IFT140: variants seen among roughly 807,000 people sequenced by gnomAD.
IFT140 encodes intraflagellar transport 140, also known as intraflagellar transport protein 140 homolog.
A neutral mutation model predicts 164.6 loss-of-function variants in IFT140; 133 were observed. That is an observed-to-expected ratio of 0.81 (90% CI 0.70 to 0.93). The LOEUF is 0.93. IFT140 is among the 40% of genes least tolerant of loss of function. The pLI is 0.00. For missense variants in IFT140, 2,045 were observed against 1,972.3 expected (o/e 1.04, Z -0.70); for synonymous variants, 860 against 817.3 (o/e 1.05, Z -0.89).
intron 19 of IFT140, among the ~76,000 whole-genome samples, chr16:1,535,371 A>G (rs1460867931): frequency 3.3e-5 from 5 of 152,208 alleles, no homozygotes; most frequent in African/African-American, 1.2e-4. Flanking sequence ...GGGTCATCTC[A>G]ACAGTCACGG....
Position 1,518,240 on chromosome 16 carries a change from GTAGTGC to G in IFT140, c.4152_4157del (p.Glu1384_Tyr1386delinsAsp). The G allele has an allele frequency of 6.2e-7, 1 of 1,613,908 alleles. No individual in the cohort carries two copies. The highest frequency in any genetic ancestry group is 8.5e-7 in the Non-Finnish European group (1 of 1,179,968). ...CCGTCTGGTATTCCTCCTTCCGCACGTAGTGCTCCACCAGGAAGCCATAGACGTCCC... is the reference window on the plus strand; with the variant it reads ...CCGTCTGGTATTCCTCCTTCCGCACGTCCACCAGGAAGCCATAGACGTCCC... On this transcript the variant is annotated inframe_deletion, in exon 30 of 31. Transcript: ENST00000426508.
rs775156902 is a variant in IFT140 at position 1,566,190 on chromosome 16, C to A, written c.1872G>T (p.Thr624=). 4 of 1,613,712 alleles carry A rather than the reference C, an allele frequency of 2.5e-6. No individual in the cohort carries two copies. In the South Asian group the frequency reaches 4.4e-5, roughly 18 times the overall value. ...TAGTCTCTTGCTCATTAAAGGACAG[C>A]GTCTCTCTCCGATCAATTTGTCCAG... ...FKTGQIDRRE[T]LSFNEQETNK... is the part of the protein sequence containing the mutation. The change falls in exon 16 of 31, where the codon ACG becomes ACT. Residue 624 remains threonine, a synonymous_variant. Coordinates refer to ENST00000426508, the MANE Select transcript of IFT140 (RefSeq NM_014714.4).
At chr16:1,574,229 G>T (rs2034158319) in intron 13 of IFT140, among the ~76,000 whole-genome samples, 1 of 152,168 alleles carries the variant, frequency 6.6e-6, no homozygotes, top group Non-Finnish European at 1.5e-5. Context: ...CCTCGGGGCT[G>T]AGTTTTCTGG....
At chr16:1,521,003 C>T (rs551625160) in intron 26 of IFT140, among the ~76,000 whole-genome samples, 195 bp from the exon 27 acceptor site, 10 of 152,204 alleles carry the variant, frequency 6.6e-5, no homozygotes, top group Admixed American at 2.0e-4. Flanking sequence ...TACTTTCTCA[C>T]GCTGTTAACA....
At position 1,554,877 on chromosome 16, in the gene IFT140, C is replaced by T. The variant is rs761728994; in HGVS notation, c.2399+3058G>A. ...CTACCTGAACATTGGCGCCTGCCTT[C>T]TGGCCACGCTGGCGGCAGCCATGCT... On this transcript the variant is annotated intron_variant, in intron 19 of 30. Coordinates refer to ENST00000426508, the MANE Select transcript of IFT140 (RefSeq NM_014714.4). The T allele has an allele frequency of 6.8e-6, 11 of 1,614,278 alleles. No individual in the cohort carries two copies. The Admixed American group carries it at 1.5e-4, about 22-fold the overall frequency.
In IFT140 at chr16:1,557,972, T is replaced by C. The variant is rs1336496060; in HGVS notation, c.2362A>G (p.Met788Val). 1.9e-6 allele frequency: 3 copies of C among 1,613,798 alleles called. No homozygotes were observed. The highest frequency in any genetic ancestry group is 2.2e-5 in the South Asian group (2 of 91,070). The stretch of plus-strand genomic sequence containing the variant: ...TTGATGGATTTGAAGGCTTCGTCCA[T>C]GTCTCCTATGGTGACAAAGAAGCTG... Reference protein sequence around the residue: ...HFSFFVTIGDMDEAFKSIKLI... With the variant: ...HFSFFVTIGDVDEAFKSIKLI... The change falls in exon 19 of 31, where the codon ATG (methionine) becomes GTG (valine). Residue 788 changes from methionine (M) to valine (V), a missense_variant. Transcript: ENST00000426508.
At chr16:1,513,310 A>C (rs541120508) in intron 30 of IFT140, 10 of 152,322 alleles carry the variant, frequency 6.6e-5, no homozygotes, top group Admixed American at 5.2e-4. Flanking sequence ...TAACACGGTG[A>C]AACCCCGTCT....
chr16:1,537,785 C>T (rs992935668), intron 19 of IFT140, among the ~76,000 whole-genome samples: 5 of 152,214 alleles, frequency 3.3e-5, no homozygotes, highest in African/African-American at 1.2e-4. Context: ...GATTGAATCT[C>T]GAGGCAGGCG....
chr16:1,602,129 C>T (rs1191516238), intron 4 of IFT140: 8 of 538,062 alleles, frequency 1.5e-5, no homozygotes, highest in Admixed American at 6.3e-5. Context: ...TATCTGGGCA[C>T]GTATCTTTAC....
At chr16:1,583,210 C>T in intron 12 of IFT140, 104 bp downstream of exon 12, 2 of 1,003,456 alleles carry the variant, frequency 2.0e-6, no homozygotes, top group South Asian at 2.7e-5. Flanking sequence ...GTCTCCCCAG[C>T]CCCTGTGCCA....
chr16:1,564,182 C>CCGTTTCAACCCCAGGGCG lies in IFT140; in HGVS notation c.1902-38_1902-21dup. 6.5e-7 allele frequency: 1 copy of CCGTTTCAACCCCAGGGCG among 1,544,746 alleles called. No individual in the cohort carries two copies. Among genetic ancestry groups the CCGTTTCAACCCCAGGGCG allele is most frequent in the East Asian group, 2.3e-5 (1 of 42,610 alleles). On this transcript the variant is annotated intron_variant, in intron 16 of 30. Transcript: ENST00000426508. The surrounding 1 kb of genome is among the most constrained non-coding windows in gnomAD (Gnocchi z 5.5). Reference sequence around the variant, plus strand: ...TGGCTCCTAAAAGACAAAGGAAGACCCGTTTCAACCCCAGGGCGGGCACTC... The same window carrying CCGTTTCAACCCCAGGGCG: ...TGGCTCCTAAAAGACAAAGGAAGACCCGTTTCAACCCCAGGGCGCGTTTCAACCCCAGGGCGGGCACTC...
chr16:1,541,343 G>GT, intron 19 of IFT140: 1 of 985,416 alleles, frequency 1.0e-6, no homozygotes, highest in Non-Finnish European at 1.2e-6. Context: ...CCCCTTGCTG[G>GT]TTATGAGGGG....
rs747024008 is a variant in IFT140 at position 1,551,232 on chromosome 16, G to A, written c.2399+6703C>T. Among the ~76,000 whole-genome samples, 5 of 152,228 alleles carry A rather than the reference G, an allele frequency of 3.3e-5. No homozygotes were observed. The highest frequency in any genetic ancestry group is 5.9e-5 in the Non-Finnish European group (4 of 68,046). ...GGCCCCGGGGAGCCTGCCCTGTGGCGGGGGAGAGCGGCCAGAGCCACCCAT... is the reference window on the plus strand; with the variant it reads ...GGCCCCGGGGAGCCTGCCCTGTGGCAGGGGAGAGCGGCCAGAGCCACCCAT... On this transcript the variant is annotated intron_variant, in intron 19 of 30. Transcript: ENST00000426508. This position sits in a 1 kb window ranked among gnomAD's most constrained non-coding sequence, Gnocchi z 4.0.
chr16:1,513,825 C>T (rs1339226761), intron 30 of IFT140, among the ~76,000 whole-genome samples: 1 of 149,668 alleles, frequency 6.7e-6, no homozygotes, highest in Non-Finnish European at 1.5e-5. Flanking sequence ...AGGCGCCCAC[C>T]ACCACACCCG....
intron 19 of IFT140, among the ~76,000 whole-genome samples, chr16:1,552,687 C>T (rs1391292622): frequency 2.9e-5 from 4 of 139,144 alleles, no homozygotes; most frequent in South Asian, 4.5e-4. Context: ...CTCGCTCTGT[C>T]GCCAAGGCTG....
At position 1,588,416 on chromosome 16, in the gene IFT140, T is replaced by C. The variant is rs556905547; in HGVS notation, c.811-392A>G. On this transcript the variant is annotated intron_variant, in intron 7 of 30. Transcript: ENST00000426508. ...GGCAGGCGCCTGTAGTCTCAGCTAC[T>C]TGGGAGGCTGAGACAGGAGAATGGC... is the stretch of plus-strand genomic sequence containing the variant. Among the ~76,000 whole-genome samples the C allele has an allele frequency of 1.6e-3, 245 of 151,950 alleles. 1 individual carries two copies. Among genetic ancestry groups the C allele is most frequent in the African/African-American group, 4.8e-3 (197 of 41,404 alleles).
intron 3 of IFT140, among the ~76,000 whole-genome samples, chr16:1,606,136 G>T (rs950122904): frequency 1.3e-5 from 2 of 152,210 alleles, no homozygotes; most frequent in African/African-American, 4.8e-5. Context: ...TGATTTTGGA[G>T]TTCTCGCCTC....
intron 4 of IFT140, among the ~76,000 whole-genome samples, chr16:1,592,842 G>A (rs984452359): frequency 6.6e-6 from 1 of 151,478 alleles, no homozygotes; most frequent in African/African-American, 2.4e-5. Context: ...AAGGTACCCT[G>A]ACGGAGTCAC....
intron 15 of IFT140, among the ~76,000 whole-genome samples, chr16:1,567,613 G>A (rs991862132): frequency 6.6e-6 from 1 of 152,248 alleles, no homozygotes; most frequent in African/African-American, 2.4e-5. Context: ...TGTGTCCGTG[G>A]TGCCTAGCAC....
Sources: gnomAD v4.1 joint callset for allele counts (sites outside exome capture counted in the v4.1 genomes callset) on GRCh38, gnomAD v4.1.1 for gene constraint, Gnocchi (gnomAD v3.1) non-coding constraint, MANE v1.5 for transcripts, NCBI Gene and HGNC (gene_info 2026-07-23, HGNC 2026-07-21) for gene names.